Variants in PELI3 observed in about 807,000 individuals in gnomAD.
PELI3 encodes the protein pellino E3 ubiquitin protein ligase family member 3.
A neutral mutation model predicts 35.5 loss-of-function variants in PELI3; 19 were observed. The observed-to-expected ratio is 0.54, with a 90% CI of 0.37 to 0.79. The LOEUF is 0.79. Among genes scored for constraint, PELI3 ranks in the 30% least tolerant of loss-of-function variants. PELI3 has a pLI of 0.00. For synonymous variants in PELI3, 262 were observed against 279.2 expected (o/e 0.94, Z 0.62); for missense variants, 490 against 661.2 (o/e 0.74, Z 2.84).
chr11:66,474,255 G>C (rs1424875735), intron 7 of PELI3: 2 of 601,134 alleles, frequency 3.3e-6, no homozygotes, highest in Non-Finnish European at 5.9e-6. Context: ...TCTTATGAGA[G>C]TGACACTTGG....
At chr11:66,471,785 T>G (rs1243379464) in intron 4 of PELI3, among the ~76,000 whole-genome samples, 1 of 152,128 alleles carries the variant, frequency 6.6e-6, no homozygotes, top group Non-Finnish European at 1.5e-5. Flanking sequence ...CAGCCTCTGA[T>G]ATTTCCAGCT....
Position 66,473,588 on chromosome 11 carries a change from G to A in PELI3, c.652-149G>A. On this transcript the variant is annotated intron_variant, in intron 6 of 7. Transcript: ENST00000320740. This position sits in a 1 kb window ranked among gnomAD's most constrained non-coding sequence, Gnocchi z 5.8. The stretch of plus-strand genomic sequence containing the variant: ...CCCACCTAACTGATGAGCAAAGTGA[G>A]GCCCAGAGAGACGCTCAAGTCATGC... The A allele has an allele frequency of 7.6e-7, 1 of 1,317,400 alleles. No individual in the cohort carries two copies. Among genetic ancestry groups the A allele is most frequent in the Non-Finnish European group, 1.0e-6 (1 of 972,164 alleles). The allele number at this position is 1,317,400 out of a possible 1,614,324, so 81.6% of individuals were successfully genotyped here. A position where few individuals can be genotyped will look rare whatever the true frequency, so the allele number is the denominator to read the frequency against.
chr11:66,469,365 T>TG (rs1854639684), intron 3 of PELI3, among the ~76,000 whole-genome samples: 1 of 152,152 alleles, frequency 6.6e-6, no homozygotes, highest in African/African-American at 2.4e-5. Context: ...AAAATGAACC[T>TG]GCGAGGTAGG....
rs1376990879 is a variant in PELI3 at position 66,473,313 on chromosome 11, G to C, written c.529G>C (p.Gly177Arg). The C allele has an allele frequency of 6.2e-7, 1 of 1,613,462 alleles. No individual in the cohort carries two copies. Among genetic ancestry groups the C allele is most frequent in the African/African-American group, 1.3e-5 (1 of 75,032 alleles). ...DTSPGGGAAEGPSAQSTISRY... is the reference protein window; with the variant it reads ...DTSPGGGAAERPSAQSTISRY... ...GTCCCCTGGAGGAGGGGCTGCCGAG[G>C]GCCCTTCTGCCCAGAGCACCATCTC... Residue 177 changes from glycine to arginine, a missense_variant, in exon 6 of 8, where the codon GGC (glycine) becomes CGC (arginine). Physicochemically the swap from Gly to Arg is moderately radical, Grantham distance 125 (BLOSUM62 -2). Transcript: ENST00000320740. This position sits in a 1 kb window ranked among gnomAD's most constrained non-coding sequence, Gnocchi z 5.8.
chr11:66,471,311 G>A lies in PELI3; in HGVS notation c.294G>A (p.Ser98=), dbSNP rs750525001. The A allele has an allele frequency of 5.1e-5, 83 of 1,613,866 alleles. No homozygotes were observed. The highest frequency in any genetic ancestry group is 3.3e-4 in the Middle Eastern group (2 of 6,084). ...RRSRLALSRR[S]HANGVKPDVM... ...GCCGCCTGGCACTGAGCCGCCGGTCGCACGCCAACGGGGTGAAGCCAGACG... is the reference window on the plus strand; with the variant it reads ...GCCGCCTGGCACTGAGCCGCCGGTCACACGCCAACGGGGTGAAGCCAGACG... The change falls in exon 4 of 8, where the codon TCG becomes TCA. Residue 98 remains serine (S), a synonymous_variant. Coordinates refer to ENST00000320740, the MANE Select transcript of PELI3 (RefSeq NM_145065.3).
At chr11:66,468,526 T>A (rs1854613379) in intron 2 of PELI3, among the ~76,000 whole-genome samples, 2 of 152,226 alleles carry the variant, frequency 1.3e-5, no homozygotes, top group African/African-American at 4.8e-5. Context: ...AGAAAAATGT[T>A]AACACCAGCT....
In PELI3 at chr11:66,471,248, T is replaced by C. The variant is rs1012948427; in HGVS notation, c.231T>C (p.Asn77=). 2 of 1,612,668 alleles carry C rather than the reference T, an allele frequency of 1.2e-6. No homozygotes were observed. The highest frequency in any genetic ancestry group is 2.7e-5 in the African/African-American group (2 of 74,928). The stretch of plus-strand genomic sequence containing the variant: ...TAACCCCCGACATCTACAGCTACAA[T>C]GGTTGTCTGGCAAGTGGGGACAAGG... ...VTGPRAHSCY[N]GCLASGDKGR... Residue 77 remains asparagine, a synonymous_variant, in exon 4 of 8, where the codon AAT becomes AAC. Transcript: ENST00000320740.
In PELI3 at chr11:66,468,005, C is replaced by A. The variant is rs1490522844; in HGVS notation, c.-1-123C>A. On this transcript the variant is annotated intron_variant, in intron 1 of 7. Coordinates refer to ENST00000320740, the MANE Select transcript of PELI3 (RefSeq NM_145065.3). ...GGCAGAGGGGAAGTGGTTGCCATAG[C>A]AGTAGAGGCGGTGAAAGGTCACCCT... 4.7e-5 allele frequency: 58 copies of A among 1,232,008 alleles called. No homozygotes were observed. In the East Asian group the frequency reaches 9.5e-4, roughly 20 times the overall value. 76.3% of individuals were successfully genotyped at this position (1,232,008 alleles called of 1,614,324 possible).
chr11:66,468,590 C>T (rs1854614873), intron 2 of PELI3, among the ~76,000 whole-genome samples: 1 of 152,218 alleles, frequency 6.6e-6, no homozygotes, highest in Non-Finnish European at 1.5e-5. Flanking sequence ...CTCTGGTTCT[C>T]CAGCAAAACT....
intron 3 of PELI3, 56 bp from the exon 4 acceptor site, chr11:66,471,184 TTC>T: frequency 6.5e-7 from 1 of 1,533,342 alleles, no homozygotes; most frequent in African/African-American, 1.4e-5. Context: ...GGGGTTCACT[TTC>T]TCTCTTTCTC....
In PELI3 at chr11:66,475,705, G is replaced by T; in HGVS notation, c.948G>T (p.Lys316Asn). The stretch of plus-strand genomic sequence containing the variant: ...GGCTGCTGCGGGCTCCCACACTGAA[G>T]CAACTGGAGGCCCAGCGGCAGGAGG... ...PAGLLRAPTLKQLEAQRQEAN... is the reference protein window; with the variant it reads ...PAGLLRAPTLNQLEAQRQEAN... The change falls in exon 8 of 8, where the codon AAG (lysine) becomes AAT (asparagine). Residue 316 changes from lysine to asparagine, a missense_variant. Around this residue, in one of 3 missense-constraint regions of PELI3, gnomAD observed 349 missense variants for 484.8 expected, o/e 0.72. Transcript: ENST00000320740. 2 of 1,612,308 alleles carry T rather than the reference G, an allele frequency of 1.2e-6. No individual in the cohort carries two copies. Among genetic ancestry groups the T allele is most frequent in the Non-Finnish European group, 8.5e-7 (1 of 1,179,738 alleles).
In PELI3 at chr11:66,468,117, AC is replaced by A. The variant is rs752546160; in HGVS notation, c.-1-10del. On this transcript the variant is annotated splice_polypyrimidine_tract_variant and intron_variant, in intron 1 of 7. Coordinates refer to ENST00000320740, the MANE Select transcript of PELI3 (RefSeq NM_145065.3). Reference sequence around the variant, plus strand: ...AACCTACAAAGCTCTTTTCTCTCCCACTCTGCCCAGAATGGTGCTGGAAGGA... The same window carrying A: ...AACCTACAAAGCTCTTTTCTCTCCCATCTGCCCAGAATGGTGCTGGAAGGA... The A allele has an allele frequency of 1.3e-5, 20 of 1,591,486 alleles. No homozygotes were observed. Among genetic ancestry groups the A allele is most frequent in the Non-Finnish European group, 1.5e-5 (18 of 1,167,760 alleles).
intron 4 of PELI3, 105 bp from the exon 5 acceptor site, chr11:66,472,264 C>G (rs1854749008): frequency 1.3e-6 from 1 of 791,130 alleles, no homozygotes; most frequent in Non-Finnish European, 2.2e-6. Context: ...GGAGCTGCCC[C>G]CTTCCCAGGG....
At chr11:66,471,621 A>G (rs1429055469) in intron 4 of PELI3, among the ~76,000 whole-genome samples, 2 of 151,716 alleles carry the variant, frequency 1.3e-5, no homozygotes, top group Non-Finnish European at 2.9e-5. Context: ...TGCCTCTAAG[A>G]TGGTGCTGCT....
intron 3 of PELI3, 91 bp from the exon 4 acceptor site, chr11:66,471,151 G>T: frequency 6.9e-7 from 1 of 1,452,482 alleles, no homozygotes; most frequent in Non-Finnish European, 9.4e-7. Context: ...CTAGAAGTTG[G>T]CAGTTTCCTC....
Position 66,473,631 on chromosome 11 carries a change from T to C in PELI3, c.652-106T>C, listed in dbSNP as rs564615381. The C allele has an allele frequency of 5.6e-5, 82 of 1,472,246 alleles. No individual in the cohort carries two copies. In the African/African-American group the frequency reaches 1.1e-3, roughly 20 times the overall value. The allele number at this position is 1,472,246 out of a possible 1,614,324, so 91.2% of individuals were successfully genotyped here. On this transcript the variant is annotated intron_variant, in intron 6 of 7. Transcript: ENST00000320740. The surrounding 1 kb of genome is among the most constrained non-coding windows in gnomAD (Gnocchi z 5.8). ...AGTCATGCAGCTTCAATGCCAGTCC[T>C]CTCTGGGCCGCCTCTGAACTTGAAG...
chr11:66,473,760 C>A lies in PELI3; in HGVS notation c.675C>A (p.Thr225=). 1 of 1,613,846 alleles carries A rather than the reference C, an allele frequency of 6.2e-7. No individual in the cohort carries two copies. The highest frequency in any genetic ancestry group is 8.5e-7 in the Non-Finnish European group (1 of 1,179,970). ...FLGERAAKWR[T]PDGLMDGLTT... is the part of the protein sequence containing the mutation. ...AGGAGCGAGCGGCCAAATGGCGGACCCCAGATGGCCTGATGGATGGACTGA... is the reference window on the plus strand; with the variant it reads ...AGGAGCGAGCGGCCAAATGGCGGACACCAGATGGCCTGATGGATGGACTGA... Residue 225 remains threonine (T), a synonymous_variant, in exon 7 of 8, where the codon ACC becomes ACA. Transcript: ENST00000320740. This position sits in a 1 kb window ranked among gnomAD's most constrained non-coding sequence, Gnocchi z 5.8.
Position 66,470,559 on chromosome 11 carries a change from C to A in PELI3, c.225-683C>A, listed in dbSNP as rs200940154. 3.3e-5 allele frequency among the ~76,000 whole-genome samples: 5 copies of A among 152,344 alleles called. No individual in the cohort carries two copies. The East Asian group carries it at 9.6e-4, about 29-fold the overall frequency. On this transcript the variant is annotated intron_variant, in intron 3 of 7. Coordinates refer to ENST00000320740, the MANE Select transcript of PELI3 (RefSeq NM_145065.3). ...AAGGCCAGGAACACAGAGGCAGCAG[C>A]CCATGGCAGCGATGAGAGCTATGCC...
intron 3 of PELI3, among the ~76,000 whole-genome samples, chr11:66,469,367 C>T (rs921978528): frequency 2.6e-5 from 4 of 152,116 alleles, no homozygotes; most frequent in East Asian, 1.9e-4. Context: ...AATGAACCTG[C>T]GAGGTAGGTC....
Sources: allele counts gnomAD v4.1 joint callset (sites outside exome capture counted in the v4.1 genomes callset), GRCh38; gene constraint gnomAD v4.1.1; regional missense constraint gnomAD v4.1.1; non-coding constraint Gnocchi (gnomAD v3.1); transcripts MANE v1.5; gene names NCBI Gene and HGNC (gene_info 2026-07-23, HGNC 2026-07-21).